The following MAPK4 variants were observed in gnomAD, a reference collection of about 807,000 sequenced individuals.
The protein encoded by MAPK4 is Erk3-related.
In MAPK4, 22 loss-of-function variants were observed where a neutral mutation model predicts 47.7. The ratio of observed to expected loss-of-function variants is 0.46; its 90% CI spans 0.33 to 0.66. MAPK4 has a LOEUF of 0.66. MAPK4 is among the 30% of genes least tolerant of loss of function. The probability of loss-of-function intolerance (pLI) is 0.02; values close to 1 mark genes in which losing one functional copy is unlikely to be tolerated. For synonymous variants in MAPK4, 390 were observed against 365.7 expected, an observed-to-expected ratio of 1.07 and a Z score of -0.76; for missense variants, 736 against 831.7, an observed-to-expected ratio of 0.88 and a Z score of 1.42.
chr18:50,690,120 G>A (rs1909128901), intron 2 of MAPK4, among the ~76,000 whole-genome samples: 1 of 152,188 alleles, frequency 6.6e-6, no homozygotes, highest in Admixed American at 6.5e-5. Flanking sequence ...GCCACTCCCA[G>A]GCTGGCTCTC....
At chr18:50,625,957 A>G (rs907534243) in intron 1 of MAPK4, among the ~76,000 whole-genome samples, 8 of 151,676 alleles carry the variant, frequency 5.3e-5, no homozygotes, top group Non-Finnish European at 1.2e-4. Flanking sequence ...TTAAGGACTC[A>G]GCTCAAGTGA....
Position 50,663,869 on chromosome 18 carries a change from T to G in MAPK4, c.-90T>G. On this transcript the variant is annotated 5_prime_UTR_variant, in exon 2 of 6. It removes an upstream start codon present in the reference 5' UTR. Transcript: ENST00000400384. ...CCCTCAGCCGTGGGACTTGACAGAA[T>G]GAGGTGCGCGAGGGAGGCCGCTAGC... The G allele has an allele frequency of 8.5e-5, 97 of 1,135,966 alleles. No homozygotes were observed. Among genetic ancestry groups the G allele is most frequent in the Non-Finnish European group, 1.2e-4 (93 of 790,892 alleles). The allele number at this position is 1,135,966 out of a possible 1,614,324, so 70.4% of individuals were successfully genotyped here.
intron 1 of MAPK4, among the ~76,000 whole-genome samples, chr18:50,595,507 A>ATTC (rs2042473999): frequency 6.6e-6 from 1 of 152,228 alleles, no homozygotes; most frequent in South Asian, 2.1e-4. Flanking sequence ...AGAGTGGTAG[A>ATTC]AATCAGAACC....
chr18:50,631,097 G>A (rs943165412), intron 1 of MAPK4, among the ~76,000 whole-genome samples: 3 of 152,202 alleles, frequency 2.0e-5, no homozygotes, highest in African/African-American at 7.2e-5. Context: ...CACATTCCCG[G>A]CCGAGGTCAG....
At chr18:50,580,788 G>A (rs1169458558) in intron 1 of MAPK4, among the ~76,000 whole-genome samples, 4 of 152,098 alleles carry the variant, frequency 2.6e-5, no homozygotes, top group East Asian at 1.9e-4. Context: ...TGTGAGTCTC[G>A]CCTCCTCCGA....
chr18:50,712,505 T>C (rs1253700324), intron 2 of MAPK4, among the ~76,000 whole-genome samples: 1 of 147,334 alleles, frequency 6.8e-6, no homozygotes, highest in South Asian at 2.2e-4. Context: ...CATAGGAAGA[T>C]AGCTAGTAGT....
At chr18:50,610,164 T>C (rs1435059337) in intron 1 of MAPK4, among the ~76,000 whole-genome samples, 1 of 152,184 alleles carries the variant, frequency 6.6e-6, no homozygotes, top group African/African-American at 2.4e-5. Flanking sequence ...TAAACAGGCA[T>C]GGGAGGCCTA....
At chr18:50,697,605 C>G (rs1224883543) in intron 2 of MAPK4, among the ~76,000 whole-genome samples, 1 of 152,160 alleles carries the variant, frequency 6.6e-6, no homozygotes, top group Non-Finnish European at 1.5e-5. Context: ...GAGAAGGAGG[C>G]AGGTGATCAG....
chr18:50,633,588 G>A (rs1048390586), intron 1 of MAPK4, among the ~76,000 whole-genome samples: 10 of 152,170 alleles, frequency 6.6e-5, no homozygotes, highest in Admixed American at 1.3e-4. Context: ...GCTTCCCACC[G>A]CAGCCACTTG....
intron 1 of MAPK4, among the ~76,000 whole-genome samples, chr18:50,595,433 G>A (rs574268424): frequency 3.9e-5 from 6 of 152,132 alleles, no homozygotes; most frequent in South Asian, 4.2e-4. Flanking sequence ...AAAAATCCAG[G>A]AAAAAAACAT....
At chr18:50,595,753 A>G (rs1387310763) in intron 1 of MAPK4, among the ~76,000 whole-genome samples, 2 of 152,250 alleles carry the variant, frequency 1.3e-5, no homozygotes, top group Non-Finnish European at 2.9e-5. Flanking sequence ...AACAGTGACT[A>G]CAGTAGTTTT....
chr18:50,711,833 T>C (rs906882888), intron 2 of MAPK4, among the ~76,000 whole-genome samples: 1 of 152,042 alleles, frequency 6.6e-6, no homozygotes, highest in Non-Finnish European at 1.5e-5. Flanking sequence ...AGTTTTTTTT[T>C]TTTTTTTGTA....
At chr18:50,560,473 C>T (rs1052084520) in intron 1 of MAPK4, among the ~76,000 whole-genome samples, 2 of 151,780 alleles carry the variant, frequency 1.3e-5, no homozygotes, top group African/African-American at 4.8e-5. Flanking sequence ...TCCTCGCCTG[C>T]AGACCGCGCG....
intron 2 of MAPK4, among the ~76,000 whole-genome samples, chr18:50,675,923 T>TA (rs1461091516): frequency 1.3e-5 from 2 of 152,164 alleles, no homozygotes; most frequent in East Asian, 1.9e-4. Context: ...GACCCTTTCT[T>TA]AAAATGTATC....
At chr18:50,640,093 A>C (rs1411431865) in intron 1 of MAPK4, among the ~76,000 whole-genome samples, 1 of 152,228 alleles carries the variant, frequency 6.6e-6, no homozygotes, top group Non-Finnish European at 1.5e-5. Flanking sequence ...AGTGTTATTT[A>C]TATATATCTA....
intron 1 of MAPK4, among the ~76,000 whole-genome samples, chr18:50,604,532 T>A (rs1434751446): frequency 2.0e-5 from 3 of 152,206 alleles, no homozygotes; most frequent in African/African-American, 7.2e-5. Context: ...TCTTGCTAAA[T>A]CCTAAACAGT....
At chr18:50,578,782 C>T (rs919930363) in intron 1 of MAPK4, among the ~76,000 whole-genome samples, 5 of 152,164 alleles carry the variant, frequency 3.3e-5, no homozygotes, top group Non-Finnish European at 7.3e-5. Flanking sequence ...CACAGTACTG[C>T]TCCCATAATG....
chr18:50,592,965 C>G (rs1319501532), intron 1 of MAPK4, among the ~76,000 whole-genome samples: 1 of 152,182 alleles, frequency 6.6e-6, no homozygotes, highest in Non-Finnish European at 1.5e-5. Flanking sequence ...GTAGTGGGCA[C>G]TGGTGTGAGT....
intron 1 of MAPK4, among the ~76,000 whole-genome samples, chr18:50,648,376 AG>A (rs1486821173): frequency 6.6e-6 from 1 of 152,142 alleles, no homozygotes; most frequent in African/African-American, 2.4e-5. Context: ...AGACAGGTGC[AG>A]GCATGACCGT....
Sources: gnomAD v4.1 joint callset for allele counts (sites outside exome capture counted in the v4.1 genomes callset) on GRCh38, gnomAD v4.1.1 for gene constraint, MANE v1.5 for transcripts, NCBI Gene and HGNC (gene_info 2026-07-23, HGNC 2026-07-21) for gene names.